The following RFTN1 variants were observed in gnomAD, a reference collection of about 807,000 sequenced individuals.
The protein encoded by RFTN1 is raftlin.
In RFTN1, 26 loss-of-function variants were observed where a neutral mutation model predicts 46.5. The ratio of observed to expected loss-of-function variants is 0.56; its 90% confidence interval spans 0.41 to 0.78. The LOEUF is 0.78. Among genes scored for constraint, RFTN1 ranks in the 30% least tolerant of loss-of-function variants. The pLI, the probability that RFTN1 is intolerant of heterozygous loss-of-function variation, is 0.00. For missense variants in RFTN1, 693 were observed against 718.7 expected, an observed-to-expected ratio of 0.96 and a Z score of 0.41; for synonymous variants, 261 against 284.2, an observed-to-expected ratio of 0.92 and a Z score of 0.82.
At chr3:16,328,621 C>T (rs944283081) in intron 7 of RFTN1, among the ~76,000 whole-genome samples, 17 of 152,342 alleles carry the variant, frequency 1.1e-4, no homozygotes, top group African/African-American at 3.6e-4. Context: ...AAGCATGGCC[C>T]GAGCCGGCAG....
chr3:16,359,032 CAAAAAAAAA>C (rs771185605), intron 6 of RFTN1, among the ~76,000 whole-genome samples: 14 of 89,520 alleles, frequency 1.6e-4, no homozygotes, highest in African/African-American at 6.1e-4. Context: ...ATTCTGTCTC[CAAAAAAAAA>C]AAAAAAAAAA....
At position 16,385,090 on chromosome 3, in the gene RFTN1, T is replaced by C. The variant is rs117357531; in HGVS notation, c.442-6988A>G. On this transcript the variant is annotated intron_variant, in intron 4 of 9. Transcript: ENST00000334133. This position sits in a 1 kb window ranked among gnomAD's most constrained non-coding sequence, Gnocchi z 5.0. ...CACACGCCCCCGATCCGTGACAACA[T>C]AGCACAGCACACGCAGGGAGCCCAC... 6.6e-4 allele frequency among the ~76,000 whole-genome samples: 101 copies of C among 152,232 alleles called. 1 individual carries two copies. The East Asian group carries it at 0.015, about 23-fold the overall frequency.
At position 16,374,325 on chromosome 3, in the gene RFTN1, G is replaced by A. The variant is rs940709800; in HGVS notation, c.826+3393C>T. On this transcript the variant is annotated intron_variant, in intron 5 of 9. Coordinates refer to ENST00000334133, the MANE Select transcript of RFTN1 (RefSeq NM_015150.2). The surrounding 1 kb of genome is among the most constrained non-coding windows in gnomAD (Gnocchi z 5.4). ...ACACAGAAGGCAGGGGCTGATGACC[G>A]TGGGTGGGAGCTCAATAGCTGTTTG... Among the ~76,000 whole-genome samples the A allele has an allele frequency of 6.6e-6, 1 of 152,208 alleles. No individual in the cohort carries two copies. Among genetic ancestry groups the A allele is most frequent in the Admixed American group, 6.5e-5 (1 of 15,288 alleles).
In RFTN1 at chr3:16,458,542, G is replaced by C. The variant is rs1431613187; in HGVS notation, c.146-24505C>G. ...TTCCTTTTGCAGTAGCTTTTCAATA[G>C]TGGATCTTTATTGAGCTTTTCCATC... is the stretch of plus-strand genomic sequence containing the variant. On this transcript the variant is annotated intron_variant, in intron 2 of 9. Coordinates refer to ENST00000334133, the MANE Select transcript of RFTN1 (RefSeq NM_015150.2). The surrounding 1 kb of genome is among the most constrained non-coding windows in gnomAD (Gnocchi z 5.1). 3.3e-5 allele frequency among the ~76,000 whole-genome samples: 5 copies of C among 152,150 alleles called. No homozygotes were observed. The highest frequency in any genetic ancestry group is 1.2e-4 in the African/African-American group (5 of 41,422).
rs1281119606 is a variant in RFTN1 at position 16,370,645 on chromosome 3, C to T, written c.827-366G>A. Among the ~76,000 whole-genome samples, 1 of 152,152 alleles carries T rather than the reference C, an allele frequency of 6.6e-6. No homozygotes were observed. Among genetic ancestry groups the T allele is most frequent in the Admixed American group, 6.5e-5 (1 of 15,270 alleles). ...TGTTTTAGAAATAAAAGCAGACATA[C>T]TTGGGTGAGAATGGTCTTTGGAAAA... is the stretch of plus-strand genomic sequence containing the variant. On this transcript the variant is annotated intron_variant, in intron 5 of 9. Coordinates refer to ENST00000334133, the MANE Select transcript of RFTN1 (RefSeq NM_015150.2). This position sits in a 1 kb window ranked among gnomAD's most constrained non-coding sequence, Gnocchi z 5.5.
rs1353918892 is a variant in RFTN1, at chr3:16,380,075, G to A, written c.442-1973C>T. ...GCATTTTAATAACTGCTTCCATGGA[G>A]GGCTCAACCATAGGCCAGTCTCAAC... is the stretch of plus-strand genomic sequence containing the variant. On this transcript the variant is annotated intron_variant, in intron 4 of 9. Coordinates refer to ENST00000334133, the MANE Select transcript of RFTN1 (RefSeq NM_015150.2). The surrounding 1 kb of genome is among the most constrained non-coding windows in gnomAD (Gnocchi z 4.8). Among the ~76,000 whole-genome samples the A allele has an allele frequency of 6.6e-6, 1 of 152,172 alleles. No homozygotes were observed. The highest frequency in any genetic ancestry group is 1.5e-5 in the Non-Finnish European group (1 of 68,046).
Position 16,509,675 on chromosome 3 carries a change from C to T in RFTN1, c.-9+3767G>A, listed in dbSNP as rs1410968759. Among the ~76,000 whole-genome samples, 2 of 152,140 alleles carry T rather than the reference C, an allele frequency of 1.3e-5. No homozygotes were observed. Among genetic ancestry groups the T allele is most frequent in the African/African-American group, 4.8e-5 (2 of 41,430 alleles). ...AACCCTTTGAATGTGTTTTCCAAGC[C>T]ATGGTAAAGTGCCCTCGAGTAAAAT... On this transcript the variant is annotated intron_variant, in intron 1 of 9. Coordinates refer to ENST00000334133, the MANE Select transcript of RFTN1 (RefSeq NM_015150.2). The surrounding 1 kb of genome is among the most constrained non-coding windows in gnomAD (Gnocchi z 4.9).
chr3:16,494,269 A>C (rs557151353), intron 1 of RFTN1, among the ~76,000 whole-genome samples: 1 of 152,216 alleles, frequency 6.6e-6, no homozygotes, highest in Non-Finnish European at 1.5e-5. Flanking sequence ...ATCTATAAAA[A>C]ACAAGAGATG....
intron 2 of RFTN1, among the ~76,000 whole-genome samples, chr3:16,453,317 A>G (rs1422895757): frequency 6.6e-6 from 1 of 152,236 alleles, no homozygotes; most frequent in East Asian, 1.9e-4. Flanking sequence ...GGATTAAACA[A>G]TTGGCTAAAG....
Position 16,481,802 on chromosome 3 carries a change from G to A in RFTN1, c.145+11923C>T, listed in dbSNP as rs1011438703. On this transcript the variant is annotated intron_variant, in intron 2 of 9. Coordinates refer to ENST00000334133, the MANE Select transcript of RFTN1 (RefSeq NM_015150.2). This position sits in a 1 kb window ranked among gnomAD's most constrained non-coding sequence, Gnocchi z 5.1. The stretch of plus-strand genomic sequence containing the variant: ...AATGTTACCTAGAGGAGCAAGGAGC[G>A]ATTTTCTAGGAAAGAAAAATGTTTC... Among the ~76,000 whole-genome samples, 3 of 152,030 alleles carry A rather than the reference G, an allele frequency of 2.0e-5. No homozygotes were observed. The highest frequency in any genetic ancestry group is 2.9e-5 in the Non-Finnish European group (2 of 68,006).
chr3:16,374,871 C>G lies in RFTN1; in HGVS notation c.826+2847G>C, dbSNP rs2073690085. Among the ~76,000 whole-genome samples, 1 of 152,160 alleles carries G rather than the reference C, an allele frequency of 6.6e-6. No homozygotes were observed. Among genetic ancestry groups the G allele is most frequent in the African/African-American group, 2.4e-5 (1 of 41,436 alleles). On this transcript the variant is annotated intron_variant, in intron 5 of 9. Coordinates refer to ENST00000334133, the MANE Select transcript of RFTN1 (RefSeq NM_015150.2). This position sits in a 1 kb window ranked among gnomAD's most constrained non-coding sequence, Gnocchi z 5.4. ...CACGGCGGGCCTCCCCAAGAACCTGCAGGGGCAAGGAGGCGTGACGGCTGC... is the reference window on the plus strand; with the variant it reads ...CACGGCGGGCCTCCCCAAGAACCTGGAGGGGCAAGGAGGCGTGACGGCTGC...
intron 4 of RFTN1, among the ~76,000 whole-genome samples, chr3:16,403,430 C>G (rs919622880): frequency 2.0e-5 from 3 of 149,834 alleles, no homozygotes; most frequent in African/African-American, 7.4e-5. Flanking sequence ...TAGACATGAG[C>G]ACTTCAGCAT....
chr3:16,321,997 C>G lies in RFTN1; in HGVS notation c.1332+1379G>C, dbSNP rs1468193864. 1.3e-5 allele frequency among the ~76,000 whole-genome samples: 2 copies of G among 152,222 alleles called. No individual in the cohort carries two copies. Among genetic ancestry groups the G allele is most frequent in the African/African-American group, 4.8e-5 (2 of 41,458 alleles). On this transcript the variant is annotated intron_variant, in intron 9 of 9. Coordinates refer to ENST00000334133, the MANE Select transcript of RFTN1 (RefSeq NM_015150.2). This position sits in a 1 kb window ranked among gnomAD's most constrained non-coding sequence, Gnocchi z 4.8. ...AGGAACCTGTTAGGCAAAGGTGGCA[C>G]CATCTCCCTCTGTAAGGCTGCAGCG... is the stretch of plus-strand genomic sequence containing the variant.
In RFTN1 at chr3:16,460,944, C is replaced by A. The variant is rs1432979947; in HGVS notation, c.146-26907G>T. Among the ~76,000 whole-genome samples the A allele has an allele frequency of 6.6e-6, 1 of 152,284 alleles. No individual in the cohort carries two copies. The highest frequency in any genetic ancestry group is 1.9e-4 in the East Asian group (1 of 5,176). ...AATGACAGACAAAGCAGGTTTGGTC[C>A]CAATGTAAAATGAAGTCTCAGAACC... On this transcript the variant is annotated intron_variant, in intron 2 of 9. Coordinates refer to ENST00000334133, the MANE Select transcript of RFTN1 (RefSeq NM_015150.2). This position sits in a 1 kb window ranked among gnomAD's most constrained non-coding sequence, Gnocchi z 4.8.
In RFTN1 at chr3:16,345,264, T is replaced by TTTGTGTGTGTGTGTGTGTGTGTG. The variant is rs1491581919; in HGVS notation, c.1146+12667_1146+12668insCACACACACACACACACACACAA. The TTTGTGTGTGTGTGTGTGTGTGTG allele has an allele frequency of 5.3e-4, 78 of 145,928 alleles. 1 individual carries two copies. Among genetic ancestry groups the TTTGTGTGTGTGTGTGTGTGTGTG allele is most frequent in the African/African-American group, 2.0e-3 (77 of 37,852 alleles). The allele number at this position is 145,928 out of a possible 1,614,324, so 9.0% of individuals were successfully genotyped here. On this transcript the variant is annotated intron_variant, in intron 7 of 9. Transcript: ENST00000334133. This position sits in a 1 kb window ranked among gnomAD's most constrained non-coding sequence, Gnocchi z 5.2. The stretch of plus-strand genomic sequence containing the variant: ...AAACTGTAAGATAATAAGTAGGTGG[T>TTTGTGTGTGTGTGTGTGTGTGTG]TGTGTGTGTGTGTGTGTGTGTGTGT...
intron 7 of RFTN1, 36 bp from the exon 8 acceptor site, chr3:16,326,912 C>T (rs1469493070): frequency 6.5e-7 from 1 of 1,537,746 alleles, no homozygotes; most frequent in Admixed American, 1.7e-5. Context: ...GCTGCTGCTG[C>T]CACAAGCCAA....
intron 7 of RFTN1, among the ~76,000 whole-genome samples, chr3:16,332,559 G>GC (rs1559824142): frequency 6.6e-6 from 1 of 151,932 alleles, no homozygotes; most frequent in Non-Finnish European, 1.5e-5. Flanking sequence ...ATCTTACCAC[G>GC]CCACGTTAGG....
rs995511723 is a variant in RFTN1, at chr3:16,465,848, A to G, written c.145+27877T>C. ...AAAGCAAGATGTAAGGTAGAGAAAGACTAATTCATAAAAGTAAGGGAGTCA... is the reference window on the plus strand; with the variant it reads ...AAAGCAAGATGTAAGGTAGAGAAAGGCTAATTCATAAAAGTAAGGGAGTCA... On this transcript the variant is annotated intron_variant, in intron 2 of 9. Transcript: ENST00000334133. The surrounding 1 kb of genome is among the most constrained non-coding windows in gnomAD (Gnocchi z 5.1). Among the ~76,000 whole-genome samples the G allele has an allele frequency of 1.3e-5, 2 of 152,194 alleles. No individual in the cohort carries two copies. The highest frequency in any genetic ancestry group is 3.2e-3 in the Middle Eastern group (1 of 316).
At position 16,466,244 on chromosome 3, in the gene RFTN1, C is replaced by G. The variant is rs761622956; in HGVS notation, c.145+27481G>C. On this transcript the variant is annotated intron_variant, in intron 2 of 9. Transcript: ENST00000334133. This position sits in a 1 kb window ranked among gnomAD's most constrained non-coding sequence, Gnocchi z 5.6. ...CTTTTAACTTGCATCGTCCTCTCAT[C>G]CCAGCTTGCAAAGGAACAGGTACAC... is the stretch of plus-strand genomic sequence containing the variant. 2.6e-5 allele frequency among the ~76,000 whole-genome samples: 4 copies of G among 152,186 alleles called. No homozygotes were observed. Among genetic ancestry groups the G allele is most frequent in the Admixed American group, 6.5e-5 (1 of 15,286 alleles).
Sources: gnomAD v4.1 joint callset for allele counts (sites outside exome capture counted in the v4.1 genomes callset) on GRCh38, gnomAD v4.1.1 for gene constraint, Gnocchi (gnomAD v3.1) non-coding constraint, MANE v1.5 for transcripts, NCBI Gene and HGNC (gene_info 2026-07-23, HGNC 2026-07-21) for gene names.